The following PDGFRL variants were observed in gnomAD, a reference collection of about 807,000 sequenced individuals.
PDGFRL encodes platelet-derived growth factor receptor-like protein.
In PDGFRL, 46 loss-of-function variants were observed where a neutral mutation model predicts 37.2. The ratio of observed to expected loss-of-function variants is 1.24; its 90% CI spans 0.98 to 1.58. The LOEUF is 1.58. Ranked by LOEUF, PDGFRL falls within the 40% of genes most tolerant of loss-of-function variation. The pLI is 0.00. For missense variants in PDGFRL, 692 were observed against 467.6 expected, an observed-to-expected ratio of 1.48 and a Z score of -4.43; for synonymous variants, 251 against 184.3, an observed-to-expected ratio of 1.36 and a Z score of -2.93.
chr8:17,625,979 C>T (rs3862085), intron 3 of PDGFRL, among the ~76,000 whole-genome samples: 26 of 152,048 alleles, frequency 1.7e-4, no homozygotes, highest in Admixed American at 1.7e-3. Flanking sequence ...TGGGCAACAG[C>T]GTGAGACCCT....
chr8:17,636,311 C>G (rs568198750), intron 5 of PDGFRL, among the ~76,000 whole-genome samples: 1 of 53,374 alleles, frequency 1.9e-5, no homozygotes, highest in Non-Finnish European at 8.0e-5. Flanking sequence ...GATAAGGATT[C>G]AGTCTTATTC....
intron 2 of PDGFRL, among the ~76,000 whole-genome samples, chr8:17,592,928 A>G (rs796664117): frequency 0.24 from 34,266 of 144,514 alleles, 4,171 homozygotes; most frequent in Non-Finnish European, 0.28. Context: ...ACACACACAC[A>G]CACACACACA....
rs533679755 is a variant in PDGFRL, at chr8:17,623,330, G to T, written c.505+2128G>T. ...ATAATTGTTCATAGGCAATCTCTTT[G>T]GATCTTCATTTTGGAACTCGCTACA... On this transcript the variant is annotated intron_variant, in intron 3 of 5. Coordinates refer to ENST00000251630, the MANE Select transcript of PDGFRL (RefSeq NM_001372073.1). Among the ~76,000 whole-genome samples, 4 of 152,262 alleles carry T rather than the reference G, an allele frequency of 2.6e-5. No individual in the cohort carries two copies. The South Asian group carries it at 8.3e-4, about 32-fold the overall frequency.
At chr8:17,593,888 CAA>C (rs376718770) in intron 2 of PDGFRL, among the ~76,000 whole-genome samples, 1 of 145,420 alleles carries the variant, frequency 6.9e-6, no homozygotes. Flanking sequence ...AACTCCATCT[CAA>C]AAAAAAAAAA....
In PDGFRL at chr8:17,628,638, T is replaced by A; in HGVS notation, c.657T>A (p.Asn219Lys). The A allele has an allele frequency of 1.2e-6, 2 of 1,614,206 alleles. No individual in the cohort carries two copies. Among genetic ancestry groups the A allele is most frequent in the East Asian group, 4.5e-5 (2 of 44,856 alleles). The change falls in exon 4 of 6, where the codon AAT (asparagine) becomes AAA (lysine). Residue 219 changes from asparagine (N) to lysine (K), a missense_variant. Physicochemically the swap from Asn to Lys is moderately conservative, Grantham distance 94. Transcript: ENST00000251630. Reference sequence around the variant, plus strand: ...TCCCAGCCAAGGAGATCCCAGCCAATGGAACGGACATTGTTTATGACATGA... The same window carrying A: ...TCCCAGCCAAGGAGATCCCAGCCAAAGGAACGGACATTGTTTATGACATGA... Reference protein sequence around the residue: ...REFPAKEIPANGTDIVYDMKR... With the variant: ...REFPAKEIPAKGTDIVYDMKR...
chr8:17,608,500 G>A (rs773206076), intron 2 of PDGFRL, among the ~76,000 whole-genome samples: 4 of 152,192 alleles, frequency 2.6e-5, no homozygotes, highest in African/African-American at 4.8e-5. Flanking sequence ...AGGCATCCTG[G>A]GGAAGGAGGC....
At chr8:17,634,306 A>G (rs182571156) in intron 5 of PDGFRL, 93 bp downstream of exon 5, 3 of 975,534 alleles carry the variant, frequency 3.1e-6, no homozygotes, top group Admixed American at 2.3e-5. Context: ...ACCCAGTGCT[A>G]TATGCCATAA....
At chr8:17,635,324 G>T (rs7821931) in intron 5 of PDGFRL, among the ~76,000 whole-genome samples, 15,364 of 146,776 alleles carry the variant, frequency 0.1, 916 homozygotes, top group Admixed American at 0.17. Context: ...AAAGTTCATT[G>T]TGTCATTCTT....
intron 3 of PDGFRL, among the ~76,000 whole-genome samples, chr8:17,623,508 C>G (rs1048475612): frequency 2.0e-5 from 3 of 152,192 alleles, no homozygotes; most frequent in African/African-American, 7.2e-5. Context: ...AAGATTAGCA[C>G]TGTTGTGTCT....
At chr8:17,622,286 C>T (rs2083763235) in intron 3 of PDGFRL, among the ~76,000 whole-genome samples, 1 of 152,214 alleles carries the variant, frequency 6.6e-6, no homozygotes, top group African/African-American at 2.4e-5. Flanking sequence ...TCTTACAAAG[C>T]CACCCTCGTC....
intron 1 of PDGFRL, among the ~76,000 whole-genome samples, chr8:17,580,089 G>C (rs1164937298): frequency 6.6e-6 from 1 of 152,114 alleles, no homozygotes; most frequent in Non-Finnish European, 1.5e-5. Context: ...ATATTGATTT[G>C]TGCAACGAGT....
chr8:17,639,313 C>T (rs576069831), intron 5 of PDGFRL, among the ~76,000 whole-genome samples: 1 of 152,104 alleles, frequency 6.6e-6, no homozygotes, highest in African/African-American at 2.4e-5. Context: ...CTATTTGTTG[C>T]CCGAATACCT....
At position 17,588,390 on chromosome 8, in the gene PDGFRL, A is replaced by G. The variant is rs1585300274; in HGVS notation, c.56-1078A>G. Among the ~76,000 whole-genome samples the G allele has an allele frequency of 1.3e-5, 2 of 152,238 alleles. 1 individual carries two copies. The highest frequency in any genetic ancestry group is 4.1e-4 in the South Asian group (2 of 4,826). On this transcript the variant is annotated intron_variant, in intron 1 of 5. Coordinates refer to ENST00000251630, the MANE Select transcript of PDGFRL (RefSeq NM_001372073.1). ...GAGAGAAAGTTCACTGTGGTTCAAA[A>G]TCTTGGCTGGGCAGAGTGGCTCACA...
chr8:17,618,251 T>A (rs1433748083), intron 2 of PDGFRL, among the ~76,000 whole-genome samples: 1 of 152,100 alleles, frequency 6.6e-6, no homozygotes, highest in Non-Finnish European at 1.5e-5. Flanking sequence ...ATATGGGGTT[T>A]TGCTATGTTG....
chr8:17,641,474 C>T (rs942813161), intron 5 of PDGFRL, among the ~76,000 whole-genome samples: 1 of 152,184 alleles, frequency 6.6e-6, no homozygotes, highest in Non-Finnish European at 1.5e-5. Context: ...TCTGCTGCTC[C>T]TTTCTATTCC....
rs1293727916 is a variant in PDGFRL at position 17,642,780 on chromosome 8, T to A, written c.1107T>A (p.Ala369=). The part of the protein sequence containing the change: ...AQNLQGQTTV[A]TTVEFS ...ATCTTCAAGGACAGACCACAGTAGCTACCACTGTTGAGTTTTCCTGACTTG... is the reference window on the plus strand; with the variant it reads ...ATCTTCAAGGACAGACCACAGTAGCAACCACTGTTGAGTTTTCCTGACTTG... The change falls in exon 6 of 6, where the codon GCT becomes GCA. Residue 369 remains alanine (A), a synonymous_variant. Coordinates refer to ENST00000251630, the MANE Select transcript of PDGFRL (RefSeq NM_001372073.1). 1.2e-6 allele frequency: 2 copies of A among 1,605,936 alleles called. No homozygotes were observed. Among genetic ancestry groups the A allele is most frequent in the East Asian group, 4.5e-5 (2 of 44,850 alleles).
intron 2 of PDGFRL, among the ~76,000 whole-genome samples, chr8:17,599,845 G>A (rs896453738): frequency 7.2e-5 from 11 of 152,162 alleles, no homozygotes; most frequent in Non-Finnish European, 1.6e-4. Flanking sequence ...GAAGAAGGAT[G>A]AGGATTTTCC....
chr8:17,578,088 A>T (rs547332636), intron 1 of PDGFRL, among the ~76,000 whole-genome samples: 1 of 151,796 alleles, frequency 6.6e-6, no homozygotes, highest in East Asian at 2.0e-4. Flanking sequence ...GGTGTGTATT[A>T]TATATTATTG....
Position 17,577,296 on chromosome 8 carries a change from C to T in PDGFRL, c.44C>T (p.Ala15Val). The T allele has an allele frequency of 1.2e-6, 2 of 1,612,794 alleles. No individual in the cohort carries two copies. The highest frequency in any genetic ancestry group is 1.7e-6 in the Non-Finnish European group (2 of 1,179,462). The change falls in exon 1 of 6, where the codon GCG (alanine) becomes GTG (valine). Residue 15 changes from alanine (A) to valine (V), a missense_variant. Ala to Val is a moderately conservative substitution (Grantham distance 64). Coordinates refer to ENST00000251630, the MANE Select transcript of PDGFRL (RefSeq NM_001372073.1). ...CTTGGTCTTCTGCTGGTGCACGAAG[C>T]GCTGGAGGATGGTGAGTGACTCTGG... Reference protein sequence around the residue: ...LLLGLLLVHEALEDVTGQHLP... With the variant: ...LLLGLLLVHEVLEDVTGQHLP...
Sources: allele counts gnomAD v4.1 joint callset (sites outside exome capture counted in the v4.1 genomes callset), GRCh38; gene constraint gnomAD v4.1.1; transcripts MANE v1.5; gene names NCBI Gene and HGNC (gene_info 2026-07-23, HGNC 2026-07-21).